TCF4: variants seen among roughly 807,000 people sequenced by gnomAD.
TCF4 encodes transcription factor 4.
TCF4 carries 3 observed loss-of-function variants against 82.1 expected under a neutral mutation model. That is an observed-to-expected ratio of 0.04 (90% confidence interval 0.02 to 0.09). TCF4 has a LOEUF of 0.09. Among genes scored for constraint, TCF4 ranks in the 10% least tolerant of loss-of-function variants. The pLI is 1.00. For missense variants in TCF4, 518 were observed against 852.7 expected, an observed-to-expected ratio of 0.61 and a Z score of 4.89; for synonymous variants, 276 against 309.6, an observed-to-expected ratio of 0.89 and a Z score of 1.14.
Position 55,261,469 on chromosome 18 carries a change from A to G in TCF4, c.987T>C (p.Ala329=), listed in dbSNP as rs1350887359. The change falls in exon 12 of 20, where the codon GCT becomes GCC. Residue 329 remains alanine (A), a synonymous_variant. Coordinates refer to ENST00000354452, the MANE Select transcript of TCF4 (RefSeq NM_001083962.2). ...TCCAAAGTCAATATTTCCTCACCGA[A>G]GCAAGTGCTTTCCCCAGAGCATCTC... ...QTGDALGKAL[A]SIYSPDHTNN... 6.2e-7 allele frequency: 1 copy of G among 1,613,922 alleles called. No homozygotes were observed. Among genetic ancestry groups the G allele is most frequent in the South Asian group, 1.1e-5 (1 of 91,084 alleles).
intron 5 of TCF4, 147 bp downstream of exon 5, chr18:55,460,872 T>C (rs771571512): frequency 1.4e-6 from 1 of 714,484 alleles, no homozygotes; most frequent in Non-Finnish European, 2.5e-6. Flanking sequence ...AGACTGCCAA[T>C]CCTCTCTGCA....
At chr18:55,614,942 A>C in intron 2 of TCF4, among the ~76,000 whole-genome samples, 1 of 152,138 alleles carries the variant, frequency 6.6e-6, no homozygotes, top group East Asian at 1.9e-4. Context: ...GTATGAATCA[A>C]AGTTATTATT....
intron 3 of TCF4, among the ~76,000 whole-genome samples, chr18:55,544,129 G>C (rs895208410): frequency 6.6e-6 from 1 of 152,182 alleles, no homozygotes; most frequent in Non-Finnish European, 1.5e-5. Flanking sequence ...AATATTACAA[G>C]AGTGCTGACG....
intron 2 of TCF4, among the ~76,000 whole-genome samples, chr18:55,614,296 G>A (rs1482824458): frequency 6.6e-6 from 1 of 152,150 alleles, no homozygotes; most frequent in African/African-American, 2.4e-5. Context: ...AGTAGAATGA[G>A]TGCTATATAT....
chr18:55,328,712 A>C (rs1226040253), intron 8 of TCF4, among the ~76,000 whole-genome samples: 2 of 152,220 alleles, frequency 1.3e-5, no homozygotes, highest in Non-Finnish European at 2.9e-5. Flanking sequence ...ATGATAGTTG[A>C]GAAACTTTTA....
In TCF4 at chr18:55,488,952, C is replaced by T. The variant is rs181352798; in HGVS notation, c.146-24815G>A. 2.1e-3 allele frequency among the ~76,000 whole-genome samples: 326 copies of T among 152,282 alleles called. 1 individual carries two copies. Among genetic ancestry groups the T allele is most frequent in the South Asian group, 7.5e-3 (36 of 4,808 alleles). ...GCATGATCTGTAATCCTCCAATTTA[C>T]CCCACAATTTCCTGTCACCTAGAAT... On this transcript the variant is annotated intron_variant, in intron 3 of 19. Transcript: ENST00000354452.
At chr18:55,327,371 T>C (rs1272749433) in intron 8 of TCF4, among the ~76,000 whole-genome samples, 1 of 152,118 alleles carries the variant, frequency 6.6e-6, no homozygotes, top group African/African-American at 2.4e-5. Context: ...TGGCATCATT[T>C]AGATATTCTC....
chr18:55,569,712 A>C (rs928088799), intron 3 of TCF4, among the ~76,000 whole-genome samples: 1 of 152,166 alleles, frequency 6.6e-6, no homozygotes, highest in South Asian at 2.1e-4. Context: ...TTATAAAACT[A>C]TAATTACGAA....
At chr18:55,228,751 T>G in intron 18 of TCF4, 96 bp downstream of exon 18, 2 of 1,250,254 alleles carry the variant, frequency 1.6e-6, no homozygotes, top group Non-Finnish European at 2.3e-6. Context: ...CTTGAAAGTC[T>G]ACTGTCTGCC....
chr18:55,428,915 AAGG>A (rs2095086429), intron 5 of TCF4, among the ~76,000 whole-genome samples: 1 of 152,146 alleles, frequency 6.6e-6, no homozygotes, highest in African/African-American at 2.4e-5. Flanking sequence ...TACTCTGGAG[AAGG>A]AGGAGAAGAT....
rs77956318 is a variant in TCF4, at chr18:55,309,312, G to A, written c.550-29656C>T. Among the ~76,000 whole-genome samples, 35 of 151,544 alleles carry A rather than the reference G, an allele frequency of 2.3e-4. 1 individual carries two copies. The East Asian group carries it at 6.6e-3, about 29-fold the overall frequency. ...TTTTTTTTAACTTTTTCTAGAGACA[G>A]GGTGTCCCAATGTTGATCATGTTGA... On this transcript the variant is annotated intron_variant, in intron 8 of 19. Coordinates refer to ENST00000354452, the MANE Select transcript of TCF4 (RefSeq NM_001083962.2).
Position 55,519,373 on chromosome 18 carries a change from G to T in TCF4, c.146-55236C>A, listed in dbSNP as rs529111814. ...TGCTTAAGCCAGGCAGGTCAAGGCTGCAGTGTGCCCTGATGGTACCACTGC... is the reference window on the plus strand; with the variant it reads ...TGCTTAAGCCAGGCAGGTCAAGGCTTCAGTGTGCCCTGATGGTACCACTGC... On this transcript the variant is annotated intron_variant, in intron 3 of 19. Transcript: ENST00000354452. Among the ~76,000 whole-genome samples the T allele has an allele frequency of 2.0e-5, 3 of 150,996 alleles. No individual in the cohort carries two copies. The South Asian group carries it at 6.3e-4, about 32-fold the overall frequency.
chr18:55,321,418 A>G (rs1183778075), intron 8 of TCF4: 2 of 548,822 alleles, frequency 3.6e-6, no homozygotes, highest in South Asian at 2.4e-5. Flanking sequence ...CTTTCGCTCT[A>G]GGATCCACTC....
At chr18:55,587,902 G>C (rs1306198622) in intron 1 of TCF4, 136 bp downstream of exon 1, 2 of 722,798 alleles carry the variant, frequency 2.8e-6, no homozygotes, top group African/African-American at 3.9e-5. Flanking sequence ...AGGGGAAGGG[G>C]TGTCTCTTCT....
intron 8 of TCF4, among the ~76,000 whole-genome samples, chr18:55,337,091 A>T (rs1482922707): frequency 6.6e-6 from 1 of 152,062 alleles, no homozygotes. Context: ...CATTAAGAAG[A>T]CTCAAAAATA....
At chr18:55,624,679 T>C (rs1268880086) in intron 2 of TCF4, among the ~76,000 whole-genome samples, 1 of 152,078 alleles carries the variant, frequency 6.6e-6, no homozygotes, top group Non-Finnish European at 1.5e-5. Flanking sequence ...CTTGTCAACC[T>C]GTGCAAGTTT....
chr18:55,590,175 T>C (rs1244156317), upstream of TCF4, among the ~76,000 whole-genome samples: 1 of 152,224 alleles, frequency 6.6e-6, no homozygotes, highest in Non-Finnish European at 1.5e-5. Flanking sequence ...CAGGTCTCCC[T>C]GAGGAAGGCT....
At chr18:55,493,576 T>C (rs1004226996) in intron 3 of TCF4, among the ~76,000 whole-genome samples, 4 of 152,172 alleles carry the variant, frequency 2.6e-5, no homozygotes, top group Non-Finnish European at 5.9e-5. Context: ...TGGAATATAG[T>C]ATAGGCTTCA....
At chr18:55,511,900 A>T (rs2096832353) in intron 3 of TCF4, among the ~76,000 whole-genome samples, 1 of 152,178 alleles carries the variant, frequency 6.6e-6, no homozygotes, top group South Asian at 2.1e-4. Context: ...TACTAAAAAT[A>T]ATTAATCATT....
Sources: allele counts gnomAD v4.1 joint callset (sites outside exome capture counted in the v4.1 genomes callset), GRCh38; gene constraint gnomAD v4.1.1; transcripts MANE v1.5; gene names NCBI Gene and HGNC (gene_info 2026-07-23, HGNC 2026-07-21).